The following CRBN variants were observed in gnomAD, a reference collection of about 807,000 sequenced individuals.
CRBN encodes protein cereblon.
In CRBN, 53 loss-of-function variants were observed where a neutral mutation model predicts 62.2. That is an observed-to-expected ratio of 0.85 (90% CI 0.68 to 1.07). The LOEUF (loss-of-function observed/expected upper bound fraction) is 1.07, where lower values mean the gene tolerates loss of function less well. CRBN is among the 50% of genes least tolerant of loss of function. The pLI, the probability that CRBN is intolerant of heterozygous loss-of-function variation, is 0.00. For synonymous variants in CRBN, 208 were observed against 176.1 expected (o/e 1.18, Z -1.43); for missense variants, 616 against 531.1 (o/e 1.16, Z -1.57).
intron 5 of CRBN, among the ~76,000 whole-genome samples, chr3:3,159,497 G>A (rs1707049729): frequency 6.6e-6 from 1 of 152,158 alleles, no homozygotes; most frequent in African/African-American, 2.4e-5. Context: ...AAAAGAATCT[G>A]AAATAATATG....
intron 2 of CRBN, among the ~76,000 whole-genome samples, chr3:3,174,876 T>C (rs185203723): frequency 1.4e-3 from 213 of 152,324 alleles, no homozygotes; most frequent in African/African-American, 4.8e-3. Context: ...TATAAAATGT[T>C]AGTATGTTCA....
intron 5 of CRBN, among the ~76,000 whole-genome samples, chr3:3,159,373 T>A (rs1707042931): frequency 6.6e-6 from 1 of 152,212 alleles, no homozygotes; most frequent in African/African-American, 2.4e-5. Context: ...GACACACTCC[T>A]CATTCAGTTA....
chr3:3,156,124 C>G (rs756565012), intron 6 of CRBN, 95 bp downstream of exon 6: 6 of 1,068,090 alleles, frequency 5.6e-6, no homozygotes, highest in Non-Finnish European at 8.7e-6. Flanking sequence ...TTATAAGGCA[C>G]TAGAAACTGG....
chr3:3,156,301 G>A lies in CRBN; in HGVS notation c.688-20C>T. 1.2e-6 allele frequency: 2 copies of A among 1,610,364 alleles called. No individual in the cohort carries two copies. Among genetic ancestry groups the A allele is most frequent in the Admixed American group, 3.3e-5 (2 of 59,970 alleles). On this transcript the variant is annotated intron_variant, in intron 5 of 10. Transcript: ENST00000231948. ...CTTTCTCTGAAAACAAAACAAAAAGGCACTTAAAAAACCCCACAGAATAAA... is the reference window on the plus strand; with the variant it reads ...CTTTCTCTGAAAACAAAACAAAAAGACACTTAAAAAACCCCACAGAATAAA...
intron 5 of CRBN, among the ~76,000 whole-genome samples, chr3:3,166,668 G>A (rs1707363385): frequency 1.3e-5 from 2 of 152,192 alleles, no homozygotes; most frequent in Admixed American, 1.3e-4. Context: ...AGACCAGGAA[G>A]TCTTATAGAT....
At chr3:3,177,229 A>C (rs970484347) in intron 1 of CRBN, among the ~76,000 whole-genome samples, 3 of 152,228 alleles carry the variant, frequency 2.0e-5, no homozygotes, top group African/African-American at 7.2e-5. Context: ...AATGCCCCAA[A>C]TAAACTTCTA....
intron 1 of CRBN, among the ~76,000 whole-genome samples, chr3:3,177,383 T>C (rs1478364379): frequency 1.3e-5 from 2 of 152,232 alleles, no homozygotes; most frequent in Non-Finnish European, 2.9e-5. Flanking sequence ...TATTTATTAT[T>C]ACAACTTCCT....
At chr3:3,165,931 T>C (rs1394746463) in intron 5 of CRBN, among the ~76,000 whole-genome samples, 5 of 152,150 alleles carry the variant, frequency 3.3e-5, no homozygotes, top group Admixed American at 3.3e-4. Context: ...ATATTCCAAA[T>C]CTACTCCTTG....
Position 3,160,662 on chromosome 3 carries a change from A to G in CRBN, c.688-4381T>C, listed in dbSNP as rs556961863. Among the ~76,000 whole-genome samples, 168 of 152,342 alleles carry G rather than the reference A, an allele frequency of 1.1e-3. 1 individual carries two copies. Among genetic ancestry groups the G allele is most frequent in the African/African-American group, 3.9e-3 (163 of 41,572 alleles). On this transcript the variant is annotated intron_variant, in intron 5 of 10. Transcript: ENST00000231948. ...CGATTATTATCCTGGAACAAGGTGA[A>G]ACAGATTCTCAAGTTCACAAGGAAA...
chr3:3,157,726 T>C (rs1575085540), intron 5 of CRBN, among the ~76,000 whole-genome samples: 2 of 152,244 alleles, frequency 1.3e-5, no homozygotes, highest in East Asian at 3.9e-4. Flanking sequence ...ACTCACACCC[T>C]CGACTTCCCC....
chr3:3,169,941 G>A (rs1005808825), intron 4 of CRBN, among the ~76,000 whole-genome samples: 3 of 145,928 alleles, frequency 2.1e-5, no homozygotes, highest in Non-Finnish European at 4.5e-5. Flanking sequence ...CCCCCCCTCC[G>A]CCCTCCCCAA....
chr3:3,159,315 T>A (rs2126058689), intron 5 of CRBN, among the ~76,000 whole-genome samples: 1 of 152,282 alleles, frequency 6.6e-6, no homozygotes, highest in Admixed American at 6.5e-5. Context: ...CTATATATTC[T>A]TAGAATTACA....
At chr3:3,157,681 G>C (rs904779666) in intron 5 of CRBN, among the ~76,000 whole-genome samples, 2 of 152,062 alleles carry the variant, frequency 1.3e-5, no homozygotes, top group Non-Finnish European at 2.9e-5. Flanking sequence ...CTGACAGCTG[G>C]AATTGTACTA....
At chr3:3,154,657 C>G (rs1220434579) in intron 7 of CRBN, 90 bp downstream of exon 7, 1 of 777,896 alleles carries the variant, frequency 1.3e-6, no homozygotes, top group Non-Finnish European at 2.3e-6. Context: ...GTCTTAAAAC[C>G]TAGAAGATAT....
rs752048403 is a variant in CRBN at position 3,153,991 on chromosome 3, C to A, written c.920G>T (p.Arg307Leu). 33 of 1,611,656 alleles carry A rather than the reference C, an allele frequency of 2.0e-5. No homozygotes were observed. The highest frequency in any genetic ancestry group is 2.7e-5 in the Non-Finnish European group (32 of 1,177,944). ...QLLKIGSAIQRLRCELDIMNK... is the reference protein window; with the variant it reads ...QLLKIGSAIQLLRCELDIMNK... ...CATAATGTCTAATTCACAGCGAAGT[C>A]GCTGGATAGCACTGCCAATTTTAAG... The change falls in exon 8 of 11, where the codon CGA (arginine) becomes CTA (leucine). Residue 307 changes from arginine (R) to leucine (L), a missense_variant. Arg to Leu is a moderately radical substitution (Grantham distance 102). Coordinates refer to ENST00000231948, the MANE Select transcript of CRBN (RefSeq NM_016302.4).
At chr3:3,154,420 CTCACTT>C in intron 7 of CRBN, 1 of 454,376 alleles carries the variant, frequency 2.2e-6, no homozygotes, top group African/African-American at 2.0e-5. Context: ...TGGAACTAGA[CTCACTT>C]CTTTTAAAGG....
intron 10 of CRBN, among the ~76,000 whole-genome samples, chr3:3,151,711 T>C (rs968912370): frequency 6.6e-6 from 1 of 152,156 alleles, no homozygotes; most frequent in Admixed American, 6.5e-5. Context: ...AGATACATAG[T>C]CCTAACCCCA....
At chr3:3,160,069 G>A (rs543308988) in intron 5 of CRBN, among the ~76,000 whole-genome samples, 1 of 152,282 alleles carries the variant, frequency 6.6e-6, no homozygotes, top group Non-Finnish European at 1.5e-5. Flanking sequence ...ATTTACTACT[G>A]AAAGCAGGCA....
chr3:3,166,923 G>A (rs1299115401), intron 5 of CRBN, among the ~76,000 whole-genome samples: 1 of 147,562 alleles, frequency 6.8e-6, no homozygotes, highest in East Asian at 2.4e-4. Context: ...AGTGGAAACT[G>A]TCTTTCCATA....
Sources: allele counts gnomAD v4.1 joint callset (sites outside exome capture counted in the v4.1 genomes callset), GRCh38; gene constraint gnomAD v4.1.1; transcripts MANE v1.5; gene names NCBI Gene and HGNC (gene_info 2026-07-23, HGNC 2026-07-21).